The following DIPK1A variants were observed in gnomAD, a reference collection of about 807,000 sequenced individuals.
DIPK1A encodes family with sequence similarity 69 member A.
A neutral mutation model predicts 40.8 loss-of-function variants in DIPK1A; 27 were observed. That is an observed-to-expected ratio of 0.66 (90% confidence interval 0.49 to 0.91). DIPK1A has a LOEUF of 0.91. DIPK1A is among the 40% of genes least tolerant of loss of function. DIPK1A has a pLI of 0.00. For missense variants in DIPK1A, 412 were observed against 505.7 expected (o/e 0.81, Z 1.78); for synonymous variants, 166 against 171.3 (o/e 0.97, Z 0.24).
chr1:92,869,539 C>T (rs927991031), intron 2 of DIPK1A, among the ~76,000 whole-genome samples: 3 of 152,150 alleles, frequency 2.0e-5, no homozygotes, highest in Non-Finnish European at 4.4e-5. Flanking sequence ...AGGACCCACA[C>T]TTTAAAACTT....
intron 1 of DIPK1A, among the ~76,000 whole-genome samples, chr1:92,900,558 A>G (rs981023288): frequency 6.6e-6 from 1 of 152,082 alleles, no homozygotes; most frequent in African/African-American, 2.4e-5. Flanking sequence ...TATCTCAATG[A>G]GTTTCCCTAA....
intron 1 of DIPK1A, among the ~76,000 whole-genome samples, chr1:92,880,472 A>G (rs139652459): frequency 7.2e-5 from 11 of 152,344 alleles, no homozygotes; most frequent in African/African-American, 2.4e-4. Context: ...TTTCATTGTG[A>G]TAACTTATTT....
chr1:92,947,906 G>A (rs1174299580), intron 1 of DIPK1A, among the ~76,000 whole-genome samples: 2 of 152,112 alleles, frequency 1.3e-5, no homozygotes, highest in Middle Eastern at 3.2e-3. Flanking sequence ...AAGGTACGGG[G>A]GACAGAGGAA....
chr1:92,876,395 G>A lies in DIPK1A; in HGVS notation c.90C>T (p.Phe30=). 1 of 1,613,340 alleles carries A rather than the reference G, an allele frequency of 6.2e-7. No individual in the cohort carries two copies. Among genetic ancestry groups the A allele is most frequent in the Non-Finnish European group, 8.5e-7 (1 of 1,179,596 alleles). The change falls in exon 2 of 5, where the codon TTC becomes TTT. Residue 30 remains phenylalanine, a synonymous_variant. Coordinates refer to ENST00000370310, the MANE Select transcript of DIPK1A (RefSeq NM_001006605.5). ...RFSYVRMKYL[F]FSWLVVFVGS... Reference sequence around the variant, plus strand: ...CAACAAAAACCACTAACCAGGAAAAGAAAAGATATTTCATCCGCACATATG... The same window carrying A: ...CAACAAAAACCACTAACCAGGAAAAAAAAAGATATTTCATCCGCACATATG...
At chr1:92,924,013 A>G (rs1267315226) in intron 1 of DIPK1A, among the ~76,000 whole-genome samples, 1 of 152,240 alleles carries the variant, frequency 6.6e-6, no homozygotes, top group Non-Finnish European at 1.5e-5. Context: ...GACTCAAATA[A>G]CATACCTCTC....
At chr1:92,836,500 T>C in intron 4 of DIPK1A, 1 of 974,850 alleles carries the variant, frequency 1.0e-6, no homozygotes, top group Non-Finnish European at 1.6e-6. Context: ...ATTGAATGCC[T>C]GCTGTATGCC....
At chr1:92,838,437 T>TA (rs572464363), downstream of DIPK1A, among the ~76,000 whole-genome samples, 2 of 152,392 alleles carry the variant, frequency 1.3e-5, no homozygotes, top group South Asian at 4.1e-4. Context: ...TCCTAACCTA[T>TA]ATCTTTATGT....
chr1:92,905,948 T>C (rs1649603257), intron 1 of DIPK1A, among the ~76,000 whole-genome samples: 2 of 152,180 alleles, frequency 1.3e-5, no homozygotes, highest in African/African-American at 4.8e-5. Flanking sequence ...TATATATTTA[T>C]TTCTGGGTTC....
chr1:92,955,708 A>AAAAAG (rs1312956205), intron 1 of DIPK1A, among the ~76,000 whole-genome samples: 2 of 150,612 alleles, frequency 1.3e-5, no homozygotes, highest in African/African-American at 4.9e-5. Context: ...AAAAAAAAAA[A>AAAAAG]AAAAGAAAAG....
Position 92,847,229 on chromosome 1 carries a change from C to A in DIPK1A, c.428G>T (p.Gly143Val). 2 of 1,602,786 alleles carry A rather than the reference C, an allele frequency of 1.2e-6. No individual in the cohort carries two copies. The highest frequency in any genetic ancestry group is 2.2e-5 in the South Asian group (2 of 89,266). The change falls in exon 4 of 5, where the codon GGA becomes GTA. Residue 143 changes from glycine to valine, a missense_variant. Transcript: ENST00000370310. ...TTCTTTAAATTTTTGTACAGTAGTTCCTCTAGTTGGCTTATCAAATAGCAC... is the reference window on the plus strand; with the variant it reads ...TTCTTTAAATTTTTGTACAGTAGTTACTCTAGTTGGCTTATCAAATAGCAC... ...EIVLFDKPTR[G>V]TTVQKFKEMV...
chr1:92,889,628 A>C (rs746372754), intron 1 of DIPK1A, among the ~76,000 whole-genome samples: 14 of 151,978 alleles, frequency 9.2e-5, no homozygotes, highest in Non-Finnish European at 1.8e-4. Context: ...CAATCCATTA[A>C]CATGAGATAT....
chr1:92,871,300 G>A (rs1238607511), intron 2 of DIPK1A, among the ~76,000 whole-genome samples: 2 of 151,964 alleles, frequency 1.3e-5, no homozygotes, highest in African/African-American at 4.8e-5. Flanking sequence ...TGAGTAGCTG[G>A]GATTACAGGC....
chr1:92,841,746 TATA>T, downstream of DIPK1A: 2 of 1,538,552 alleles, frequency 1.3e-6, no homozygotes, highest in South Asian at 2.3e-5. Flanking sequence ...TTAAAAAATA[TATA>T]TTCCTATCTT....
chr1:92,931,519 G>C (rs1243679392), intron 1 of DIPK1A: 2 of 154,558 alleles, frequency 1.3e-5, no homozygotes, highest in African/African-American at 4.9e-5. Context: ...CTTGAGGCCA[G>C]GAGTTCAAGA....
intron 1 of DIPK1A, among the ~76,000 whole-genome samples, chr1:92,893,573 G>A (rs1419632002): frequency 0.026 from 3,898 of 151,990 alleles, 189 homozygotes; most frequent in African/African-American, 0.089. Flanking sequence ...GACCATCGAG[G>A]CTAGGAAGAA....
chr1:92,953,256 AAAG>A (rs34995777), intron 1 of DIPK1A, among the ~76,000 whole-genome samples: 96,336 of 149,908 alleles, frequency 0.64, 31,392 homozygotes, highest in East Asian at 0.95. Flanking sequence ...AAAAAAAAGA[AAAG>A]AAGTGCAGAC....
At chr1:92,837,770 T>TA (rs1353150614), downstream of DIPK1A, 5 of 737,996 alleles carry the variant, frequency 6.8e-6, no homozygotes, top group Non-Finnish European at 1.2e-5. Flanking sequence ...ATTCTTTTAG[T>TA]AATCTTTTAG....
intron 1 of DIPK1A, among the ~76,000 whole-genome samples, chr1:92,887,013 A>G (rs901168943): frequency 2.0e-5 from 3 of 152,002 alleles, no homozygotes; most frequent in Non-Finnish European, 2.9e-5. Flanking sequence ...TGTTCAGCAA[A>G]TACTCATTCT....
intron 1 of DIPK1A, 42 bp from the exon 2 acceptor site, chr1:92,876,472 A>C (rs775306314): frequency 6.2e-7 from 1 of 1,606,608 alleles, no homozygotes; most frequent in East Asian, 2.2e-5. Context: ...ATTCAGCACC[A>C]AATCAGCATT....
Sources: gnomAD v4.1 joint callset for allele counts (sites outside exome capture counted in the v4.1 genomes callset) on GRCh38, gnomAD v4.1.1 for gene constraint, MANE v1.5 for transcripts, NCBI Gene and HGNC (gene_info 2026-07-23, HGNC 2026-07-21) for gene names.